PLCG2: variants seen among roughly 807,000 people sequenced by gnomAD.
The protein encoded by PLCG2 is 1-phosphatidylinositol 4,5-bisphosphate phosphodiesterase gamma-2.
In PLCG2, 69 loss-of-function variants were observed where a neutral mutation model predicts 175.6. That is an observed-to-expected ratio of 0.39 (90% CI 0.32 to 0.48). The LOEUF is 0.48. Ranked by LOEUF, PLCG2 falls within the 20% of genes least tolerant of loss-of-function variation. The pLI is 0.91. For synonymous variants in PLCG2, 827 were observed against 624.0 expected, an observed-to-expected ratio of 1.33 and a Z score of -4.85; for missense variants, 1,798 against 1,650.9, an observed-to-expected ratio of 1.09 and a Z score of -1.54.
chr16:81,828,623 C>A (rs528534686), intron 2 of PLCG2, among the ~76,000 whole-genome samples: 2 of 152,026 alleles, frequency 1.3e-5, no homozygotes, highest in Non-Finnish European at 2.9e-5. Flanking sequence ...CGAGTCCTTG[C>A]GGGTCAGCAG....
chr16:81,957,123 A>C (rs902867392), intron 32 of PLCG2, among the ~76,000 whole-genome samples: 1 of 151,880 alleles, frequency 6.6e-6, no homozygotes, highest in East Asian at 1.9e-4. Context: ...ACATGGAGAA[A>C]CCCTGTCTCT....
intron 2 of PLCG2, among the ~76,000 whole-genome samples, chr16:81,788,997 C>G (rs1185623452): frequency 1.3e-5 from 2 of 152,134 alleles, no homozygotes; most frequent in Admixed American, 6.5e-5. Context: ...CTGCCCATCC[C>G]AAACCTAGCT....
At chr16:81,858,031 CA>C in intron 3 of PLCG2, 1 of 493,174 alleles carries the variant, frequency 2.0e-6, no homozygotes, top group Non-Finnish European at 3.7e-6. Context: ...GGAAATAACC[CA>C]CTTGTCATCC....
chr16:81,865,745 C>A (rs1907197548), intron 5 of PLCG2, among the ~76,000 whole-genome samples: 1 of 149,508 alleles, frequency 6.7e-6, no homozygotes, highest in Admixed American at 6.6e-5. Flanking sequence ...ATGAGCTCCA[C>A]TGGGGCAGCA....
intron 25 of PLCG2, 101 bp downstream of exon 25, chr16:81,931,755 C>T: frequency 1.1e-6 from 1 of 943,724 alleles, no homozygotes; most frequent in Non-Finnish European, 1.6e-6. Context: ...ATGAGCAGGC[C>T]CAGGTCCTAC....
intron 2 of PLCG2, among the ~76,000 whole-genome samples, chr16:81,756,918 C>G (rs1450055668): frequency 1.3e-5 from 2 of 152,180 alleles, no homozygotes; most frequent in East Asian, 3.8e-4. Flanking sequence ...CACACCGCGC[C>G]TCTACGCCTG....
intron 30 of PLCG2, among the ~76,000 whole-genome samples, chr16:81,942,393 AT>A (rs1315847064): frequency 2.6e-5 from 4 of 152,326 alleles, no homozygotes; most frequent in Non-Finnish European, 5.9e-5. Flanking sequence ...CGACTGTGAG[AT>A]ACTCTCAGCA....
intron 31 of PLCG2, among the ~76,000 whole-genome samples, chr16:81,955,531 T>A (rs902947848): frequency 2.0e-5 from 3 of 152,142 alleles, no homozygotes; most frequent in African/African-American, 7.2e-5. Context: ...TCCCCTAGCG[T>A]AATGGACTAT....
Position 81,962,291 on chromosome 16 carries a change from C to G in PLCG2, c.*4293C>G, listed in dbSNP as rs1233754219. On this transcript the variant is annotated 3_prime_UTR_variant, in exon 33 of 33. Coordinates refer to ENST00000564138, the MANE Select transcript of PLCG2 (RefSeq NM_002661.5). ...AACCTTCAACCTGTGTGACATTTAA[C>G]TTTTTGAACCCAACCGTAAAAGCTA... 1.0e-5 allele frequency: 2 copies of G among 198,604 alleles called. No homozygotes were observed. Among genetic ancestry groups the G allele is most frequent in the Non-Finnish European group, 2.1e-5 (2 of 96,204 alleles). 12.3% of individuals were successfully genotyped at this position (198,604 alleles called of 1,614,324 possible). A position where few individuals can be genotyped will look rare whatever the true frequency, so the allele number is the denominator to read the frequency against.
chr16:81,871,819 C>G (rs1457684449), intron 7 of PLCG2, among the ~76,000 whole-genome samples: 2 of 151,094 alleles, frequency 1.3e-5, no homozygotes, highest in Non-Finnish European at 2.9e-5. Context: ...TGCAGCATTA[C>G]TTATGCTGGC....
Position 81,935,841 on chromosome 16 carries a change from C to G in PLCG2, c.2843-328C>G, listed in dbSNP as rs185434533. The G allele has an allele frequency of 4.7e-5, 46 of 985,234 alleles. No individual in the cohort carries two copies. In the East Asian group the frequency reaches 1.1e-3, roughly 24 times the overall value. The allele number at this position is 985,234 out of a possible 1,614,324, so 61.0% of individuals were successfully genotyped here. On this transcript the variant is annotated intron_variant, in intron 26 of 32. Coordinates refer to ENST00000564138, the MANE Select transcript of PLCG2 (RefSeq NM_002661.5). ...TCCCAAGATCTTCTCCTACCCAAAA[C>G]CATTCCCATTCTCCCTCTTCTATAA...
At chr16:81,803,641 C>A (rs113485652) in intron 2 of PLCG2, among the ~76,000 whole-genome samples, 4 of 96,984 alleles carry the variant, frequency 4.1e-5, no homozygotes, top group South Asian at 3.0e-4. Context: ...TCTTCCCTCC[C>A]TCCCTCCCTC....
chr16:81,896,028 C>T (rs1908870540), intron 13 of PLCG2, 101 bp downstream of exon 13: 1 of 1,432,116 alleles, frequency 7.0e-7, no homozygotes, highest in Non-Finnish European at 9.7e-7. Context: ...ACACCTCCCT[C>T]CAAATGCGGG....
intron 2 of PLCG2, among the ~76,000 whole-genome samples, chr16:81,839,369 C>A (rs1316704074): frequency 6.6e-6 from 1 of 152,006 alleles, no homozygotes; most frequent in Non-Finnish European, 1.5e-5. Context: ...AAAAAAATCT[C>A]TATATAGTCT....
chr16:81,820,126 A>T (rs1227699898), intron 2 of PLCG2, among the ~76,000 whole-genome samples: 1 of 152,200 alleles, frequency 6.6e-6, no homozygotes, highest in Non-Finnish European at 1.5e-5. Flanking sequence ...ATATTTTAAG[A>T]ACTTTTTAAA....
At chr16:81,835,877 C>T (rs559634317) in intron 2 of PLCG2, among the ~76,000 whole-genome samples, 28 of 152,186 alleles carry the variant, frequency 1.8e-4, no homozygotes, top group Non-Finnish European at 4.4e-5. Flanking sequence ...GATATTGGCA[C>T]TCCCATCTCT....
intron 22 of PLCG2, 51 bp downstream of exon 22, chr16:81,923,645 C>T (rs745802838): frequency 1.8e-6 from 2 of 1,123,784 alleles, no homozygotes; most frequent in African/African-American, 1.5e-5. Context: ...TGACTTGTCC[C>T]TTCTTGGTGA....
intron 2 of PLCG2, among the ~76,000 whole-genome samples, chr16:81,792,427 G>A (rs1367220253): frequency 7.6e-6 from 1 of 131,392 alleles, no homozygotes; most frequent in African/African-American, 2.9e-5. Flanking sequence ...GCTGCAGTGA[G>A]CCGAGATCAC....
At chr16:81,799,717 C>G (rs547301810) in intron 2 of PLCG2, among the ~76,000 whole-genome samples, 1 of 152,104 alleles carries the variant, frequency 6.6e-6, no homozygotes, top group East Asian at 1.9e-4. Flanking sequence ...CTCAACCTCC[C>G]GAGTAGCTGG....
Sources: allele counts gnomAD v4.1 joint callset (sites outside exome capture counted in the v4.1 genomes callset), GRCh38; gene constraint gnomAD v4.1.1; transcripts MANE v1.5; gene names NCBI Gene and HGNC (gene_info 2026-07-23, HGNC 2026-07-21).